UACA: variants seen among roughly 807,000 people sequenced by gnomAD.
The protein encoded by UACA is uveal autoantigen with coiled-coil domains and ankyrin repeats.
UACA carries 112 observed loss-of-function variants against 160.5 expected under a neutral mutation model. The observed-to-expected ratio is 0.70, with a 90% confidence interval of 0.60 to 0.82. The LOEUF (loss-of-function observed/expected upper bound fraction) is 0.82, where lower values mean the gene tolerates loss of function less well. Ranked by LOEUF, UACA falls within the 40% of genes least tolerant of loss-of-function variation. UACA has a pLI of 0.00. For synonymous variants in UACA, 557 were observed against 568.4 expected, an observed-to-expected ratio of 0.98 and a Z score of 0.29; for missense variants, 1,574 against 1,614.6, an observed-to-expected ratio of 0.97 and a Z score of 0.43.
chr15:70,673,352 A>C (rs1362175376), intron 13 of UACA, among the ~76,000 whole-genome samples: 1 of 152,202 alleles, frequency 6.6e-6, no homozygotes, highest in Non-Finnish European at 1.5e-5. Context: ...TCATATTTGT[A>C]TATTTAGGTG....
intron 1 of UACA, among the ~76,000 whole-genome samples, chr15:70,700,911 G>A (rs938985034): frequency 2.0e-5 from 3 of 151,852 alleles, no homozygotes; most frequent in African/African-American, 7.3e-5. Context: ...TGAATCACCT[G>A]TATATCCTCT....
intron 1 of UACA, among the ~76,000 whole-genome samples, chr15:70,700,509 G>T (rs1401820713): frequency 2.6e-5 from 4 of 151,466 alleles, no homozygotes; most frequent in Admixed American, 6.6e-5. Flanking sequence ...CACATGTATT[G>T]TTTTTATAAA....
At chr15:70,738,369 A>G (rs1407234101) in intron 1 of UACA, among the ~76,000 whole-genome samples, 5 of 151,612 alleles carry the variant, frequency 3.3e-5, no homozygotes, top group African/African-American at 9.7e-5. Context: ...TTGTTTTAAA[A>G]CCCTCCAGTA....
the UACA span, among the ~76,000 whole-genome samples, chr15:70,770,882 A>G: frequency 2.0e-5 from 3 of 152,364 alleles, no homozygotes; most frequent in South Asian, 2.1e-4. Flanking sequence ...AATACAAAAA[A>G]GCCTAAAACC....
At chr15:70,774,992 G>A in the UACA span, among the ~76,000 whole-genome samples, 1 of 152,154 alleles carries the variant, frequency 6.6e-6, no homozygotes, top group Non-Finnish European at 1.5e-5. Flanking sequence ...CTGGGAGGCT[G>A]AGGCTGCAGT....
chr15:70,717,152 C>T (rs867398701), intron 1 of UACA, among the ~76,000 whole-genome samples: 11 of 149,284 alleles, frequency 7.4e-5, no homozygotes, highest in Middle Eastern at 6.8e-3. Flanking sequence ...ACCCAGGAGG[C>T]GGAGGTTGCG....
rs1772244049 is a variant in UACA, at chr15:70,667,332, C to G, written c.3352G>C (p.Glu1118Gln). 6.2e-7 allele frequency: 1 copy of G among 1,612,852 alleles called. No individual in the cohort carries two copies. Among genetic ancestry groups the G allele is most frequent in the Non-Finnish European group, 8.5e-7 (1 of 1,179,776 alleles). The change falls in exon 16 of 19, where the codon GAG (glutamate) becomes CAG (glutamine). Residue 1118 changes from glutamate (E) to glutamine (Q), a missense_variant. Transcript: ENST00000322954. ...CCATTAAGAGATTTTTTCAGAGCCTCAACCTGTTCCAATGGAACATGTTGT... is the reference window on the plus strand; with the variant it reads ...CCATTAAGAGATTTTTTCAGAGCCTGAACCTGTTCCAATGGAACATGTTGT... Reference protein sequence around the residue: ...QKQHVPLEQVEALKKSLNGTI... With the variant: ...QKQHVPLEQVQALKKSLNGTI...
At chr15:70,697,805 C>T (rs1325269733) in intron 2 of UACA, among the ~76,000 whole-genome samples, 1 of 152,156 alleles carries the variant, frequency 6.6e-6, no homozygotes, top group Non-Finnish European at 1.5e-5. Context: ...AATCCCAGTA[C>T]TTTGGGAGGC....
intron 1 of UACA, among the ~76,000 whole-genome samples, chr15:70,707,692 A>G (rs1260895123): frequency 6.6e-6 from 1 of 152,210 alleles, no homozygotes; most frequent in Non-Finnish European, 1.5e-5. Context: ...ATCATTAAAA[A>G]AAAAGCAAAT....
At chr15:70,707,304 A>AT (rs1310547652) in intron 1 of UACA, among the ~76,000 whole-genome samples, 4 of 152,348 alleles carry the variant, frequency 2.6e-5, no homozygotes, top group Non-Finnish European at 5.9e-5. Context: ...AGACCTAAAC[A>AT]TAAGACCCCA....
intron 11 of UACA, among the ~76,000 whole-genome samples, chr15:70,677,781 T>C (rs1051725746): frequency 9.9e-5 from 15 of 152,278 alleles, no homozygotes; most frequent in Non-Finnish European, 1.5e-4. Flanking sequence ...CATCACAGTG[T>C]TCTCTGGAAT....
intron 17 of UACA, 64 bp from the exon 18 acceptor site, chr15:70,660,280 T>C: frequency 1.0e-5 from 14 of 1,348,854 alleles, no homozygotes; most frequent in African/African-American, 1.4e-5. Flanking sequence ...CTTTGGACAA[T>C]GCTCAGGCTT....
At position 70,699,575 on chromosome 15, in the gene UACA, G is replaced by A; in HGVS notation, c.164C>T (p.Ala55Val). Residue 55 changes from alanine (A) to valine (V), a missense_variant, in exon 2 of 19, where the codon GCT becomes GTT. Coordinates refer to ENST00000322954, the MANE Select transcript of UACA (RefSeq NM_018003.4). ...GDVEKVTSIL[A>V]KKGVNPGKLD... ...TTTGCCTGGATTGACCCCCTTTTTA[G>A]CAAGGATTGAGGTCACTTTTTCTAC... 1 of 1,609,446 alleles carries A rather than the reference G, an allele frequency of 6.2e-7. No individual in the cohort carries two copies. The highest frequency in any genetic ancestry group is 8.5e-7 in the Non-Finnish European group (1 of 1,178,894).
rs1896866276 is a variant in UACA at position 70,665,327 on chromosome 15, A to T, written c.3961-513T>A. 2.0e-5 allele frequency among the ~76,000 whole-genome samples: 3 copies of T among 152,248 alleles called. No homozygotes were observed. In the South Asian group the frequency reaches 6.2e-4, roughly 31 times the overall value. Reference sequence around the variant, plus strand: ...GTTTATAGGAATAGGAAGTGCCTAGAAACATAGCATTTTTCCACCCTGCTT... The same window carrying T: ...GTTTATAGGAATAGGAAGTGCCTAGTAACATAGCATTTTTCCACCCTGCTT... On this transcript the variant is annotated intron_variant, in intron 16 of 18. Transcript: ENST00000322954.
upstream of UACA, among the ~76,000 whole-genome samples, chr15:70,767,239 C>CAAAAAAA (rs747903027): frequency 1.3e-4 from 6 of 46,316 alleles, no homozygotes; most frequent in Admixed American, 2.7e-4. Flanking sequence ...GACTCCATCT[C>CAAAAAAA]AAAAAAAAAA....
At chr15:70,689,669 GT>G (rs1244618896) in intron 5 of UACA, among the ~76,000 whole-genome samples, 1 of 151,718 alleles carries the variant, frequency 6.6e-6, no homozygotes, top group East Asian at 1.9e-4. Context: ...AAAGTAGACT[GT>G]TTTTTTTCCT....
At chr15:70,740,246 A>C (rs990535656) in intron 1 of UACA, among the ~76,000 whole-genome samples, 18 of 152,174 alleles carry the variant, frequency 1.2e-4, no homozygotes, top group African/African-American at 4.1e-4. Context: ...TAAACCAAAT[A>C]TTCTCTAACA....
chr15:70,762,853 C>T (rs1338454760), intron 1 of UACA, among the ~76,000 whole-genome samples: 5 of 152,226 alleles, frequency 3.3e-5, no homozygotes, highest in Admixed American at 2.6e-4. Context: ...GTCCGGAGTC[C>T]GGGCACGGTG....
At chr15:70,727,047 A>G (rs943997376) in intron 1 of UACA, among the ~76,000 whole-genome samples, 19 of 152,202 alleles carry the variant, frequency 1.2e-4, no homozygotes, top group African/African-American at 4.6e-4. Flanking sequence ...CTTCATCTTA[A>G]ACTCTAAATT....
Sources: gnomAD v4.1 joint callset for allele counts (sites outside exome capture counted in the v4.1 genomes callset) on GRCh38, gnomAD v4.1.1 for gene constraint, MANE v1.5 for transcripts, NCBI Gene and HGNC (gene_info 2026-07-23, HGNC 2026-07-21) for gene names.